PPIB: variants seen among roughly 807,000 people sequenced by gnomAD.
PPIB encodes the protein peptidylprolyl isomerase B.
PPIB carries 15 observed loss-of-function variants against 20.1 expected under a neutral mutation model. The ratio of observed to expected loss-of-function variants is 0.75; its 90% CI spans 0.50 to 1.15. The LOEUF (loss-of-function observed/expected upper bound fraction) is 1.15, where lower values mean the gene tolerates loss of function less well. PPIB is among the 50% of genes most tolerant of loss of function. PPIB has a pLI of 0.00. For synonymous variants in PPIB, 129 were observed against 111.0 expected (o/e 1.16, Z -1.02); for missense variants, 278 against 283.0 (o/e 0.98, Z 0.13).
chr15:64,157,075 C>T lies in PPIB; in HGVS notation c.344-166G>A. 2 of 741,112 alleles carry T rather than the reference C, an allele frequency of 2.7e-6. No homozygotes were observed. Among genetic ancestry groups the T allele is most frequent in the Non-Finnish European group, 4.3e-6 (2 of 461,754 alleles). 45.9% of individuals were successfully genotyped at this position (741,112 alleles called of 1,614,324 possible). On this transcript the variant is annotated intron_variant, in intron 3 of 4. Coordinates refer to ENST00000300026, the MANE Select transcript of PPIB (RefSeq NM_000942.5). The surrounding 1 kb of genome is among the most constrained non-coding windows in gnomAD (Gnocchi z 4.2). ...CCTTCCTATCTTCTGGCCTCAGAGC[C>T]AAGCCATGCTGACTGAGGCCAAGTG...
intron 1 of PPIB, 48 bp from the exon 2 acceptor site, chr15:64,162,202 C>G: frequency 7.2e-7 from 1 of 1,386,254 alleles, no homozygotes; most frequent in Non-Finnish European, 1.0e-6. Flanking sequence ...AGGGGCGTTG[C>G]TAGGGGAGGG....
chr15:64,159,118 T>C lies in PPIB; in HGVS notation c.343+986A>G, dbSNP rs1165493440. Among the ~76,000 whole-genome samples, 1 of 152,204 alleles carries C rather than the reference T, an allele frequency of 6.6e-6. No homozygotes were observed. The highest frequency in any genetic ancestry group is 1.5e-5 in the Non-Finnish European group (1 of 68,036). ...CTTTGTGAGCCTGAGTCCTAAACGC[T>C]GCATCATGGCTCACTTGTACATTTT... is the stretch of plus-strand genomic sequence containing the variant. On this transcript the variant is annotated intron_variant, in intron 3 of 4. Transcript: ENST00000300026. This position sits in a 1 kb window ranked among gnomAD's most constrained non-coding sequence, Gnocchi z 5.1.
chr15:64,162,943 G>A lies in PPIB; in HGVS notation c.44C>T (p.Ala15Val). The change falls in exon 1 of 5, where the codon GCC becomes GTC. Residue 15 changes from alanine to valine, a missense_variant. Coordinates refer to ENST00000300026, the MANE Select transcript of PPIB (RefSeq NM_000942.5). ...SERNMKVLLA[A>V]ALIAGSVFFL... is the part of the protein sequence containing the mutation. The stretch of plus-strand genomic sequence containing the variant: ...GAAGACGGACCCCGCGATGAGGGCG[G>A]CGGCAAGGAGCACCTTCATGTTGCG... 7 of 1,613,648 alleles carry A rather than the reference G, an allele frequency of 4.3e-6. No individual in the cohort carries two copies. Among genetic ancestry groups the A allele is most frequent in the Non-Finnish European group, 5.9e-6 (7 of 1,179,890 alleles).
In PPIB at chr15:64,155,933, T is replaced by A. The variant is rs935628561; in HGVS notation, c.*90A>T. On this transcript the variant is annotated 3_prime_UTR_variant, in exon 5 of 5. Coordinates refer to ENST00000300026, the MANE Select transcript of PPIB (RefSeq NM_000942.5). ...AGGGGAGTGGGTCCGCTCCACCAGA[T>A]GCCAGCACCGGGGCCAGTGCAGCTC... is the stretch of plus-strand genomic sequence containing the variant. The A allele has an allele frequency of 3.8e-6, 6 of 1,598,372 alleles. No individual in the cohort carries two copies. The Admixed American group carries it at 1.0e-4, about 27-fold the overall frequency.
In PPIB at chr15:64,157,948, C is replaced by T. The variant is rs2081544824; in HGVS notation, c.344-1039G>A. 6.6e-6 allele frequency among the ~76,000 whole-genome samples: 1 copy of T among 152,224 alleles called. No individual in the cohort carries two copies. The highest frequency in any genetic ancestry group is 2.4e-5 in the African/African-American group (1 of 41,458). On this transcript the variant is annotated intron_variant, in intron 3 of 4. Transcript: ENST00000300026. This position sits in a 1 kb window ranked among gnomAD's most constrained non-coding sequence, Gnocchi z 4.2. The stretch of plus-strand genomic sequence containing the variant: ...ACGCTGGGGAGACTGGACTCTGCCA[C>T]ATGTGCAGTGAGACCTGGCTGGAGT...
chr15:64,155,833 AC>A lies in PPIB; in HGVS notation c.*189del. The A allele has an allele frequency of 1.3e-6, 1 of 792,736 alleles. No homozygotes were observed. The highest frequency in any genetic ancestry group is 1.7e-5 in the South Asian group (1 of 58,918). The allele number at this position is 792,736 out of a possible 1,614,324, so 49.1% of individuals were successfully genotyped here. A position where few individuals can be genotyped will look rare whatever the true frequency, so the allele number is the denominator to read the frequency against. On this transcript the variant is annotated 3_prime_UTR_variant, in exon 5 of 5. Coordinates refer to ENST00000300026, the MANE Select transcript of PPIB (RefSeq NM_000942.5). Reference sequence around the variant, plus strand: ...CACATTATATATTAAAAAAAAAAAAACCCACATTTTTTTTTATTGGTCAGTG... The same window carrying A: ...CACATTATATATTAAAAAAAAAAAAACCACATTTTTTTTTATTGGTCAGTG...
At position 64,156,079 on chromosome 15, in the gene PPIB, T is replaced by C. The variant is rs2081528607; in HGVS notation, c.595A>G (p.Ile199Val). 6.2e-7 allele frequency: 1 copy of C among 1,614,248 alleles called. No homozygotes were observed. The change falls in exon 5 of 5, where the codon ATC becomes GTC. Residue 199 changes from isoleucine (I) to valine (V), a missense_variant. Transcript: ENST00000300026. This position sits in a 1 kb window ranked among gnomAD's most constrained non-coding sequence, Gnocchi z 6.4. ...ACCTCGATCTTGCCGCAGTCTGCGA[T>C]GATCACATCCTTCAGGGGTTTATCC... ...SRDKPLKDVI[I>V]ADCGKIEVEK...
rs747974523 is a variant in PPIB, at chr15:64,162,057, G to C, written c.233C>G (p.Ala78Gly). The change falls in exon 2 of 5, where the codon GCC becomes GGC. Residue 78 changes from alanine (A) to glycine (G), a missense_variant. Coordinates refer to ENST00000300026, the MANE Select transcript of PPIB (RefSeq NM_000942.5). ...GCCACTTACCTCTCCTGTAGCTAAG[G>C]CCACAAAATTATCCACTGTTTTTGG... ...TVPKTVDNFV[A>G]LATGEKGFGY... is the part of the protein sequence containing the mutation. The C allele has an allele frequency of 3.1e-6, 5 of 1,613,224 alleles. No homozygotes were observed. Among genetic ancestry groups the C allele is most frequent in the Non-Finnish European group, 2.5e-6 (3 of 1,179,200 alleles).
chr15:64,162,795 G>C, intron 1 of PPIB, 57 bp downstream of exon 1: 1 of 1,583,988 alleles, frequency 6.3e-7, no homozygotes, highest in Non-Finnish European at 8.6e-7. Context: ...CCAAGGCCAA[G>C]CCAAGGCCGC....
Position 64,156,319 on chromosome 15 carries a change from A to G in PPIB, c.529-174T>C, listed in dbSNP as rs764795763. On this transcript the variant is annotated intron_variant, in intron 4 of 4. Transcript: ENST00000300026. The surrounding 1 kb of genome is among the most constrained non-coding windows in gnomAD (Gnocchi z 6.4). ...CCTGGCCAGAGCAGGGAGAATGCAG[A>G]TTTGACGAGGGGGTACAGGAATTTT... is the stretch of plus-strand genomic sequence containing the variant. 2.7e-5 allele frequency: 24 copies of G among 875,286 alleles called. No individual in the cohort carries two copies. Among genetic ancestry groups the G allele is most frequent in the Non-Finnish European group, 4.4e-5 (24 of 550,018 alleles). 54.2% of individuals were successfully genotyped at this position (875,286 alleles called of 1,614,324 possible). A position where few individuals can be genotyped will look rare whatever the true frequency, so the allele number is the denominator to read the frequency against.
chr15:64,156,009 G>T lies in PPIB; in HGVS notation c.*14C>A, dbSNP rs201974607. 782 of 1,614,020 alleles carry T rather than the reference G, an allele frequency of 4.8e-4. No homozygotes were observed. The highest frequency in any genetic ancestry group is 5.4e-4 in the Non-Finnish European group (643 of 1,180,018). On this transcript the variant is annotated 3_prime_UTR_variant, in exon 5 of 5. Transcript: ENST00000300026. This position sits in a 1 kb window ranked among gnomAD's most constrained non-coding sequence, Gnocchi z 6.4. ...CTGCACAGACGGTCACTCAAAGAAAGATGTCCCTGTGCCCTACTCCTTGGC... is the reference window on the plus strand; with the variant it reads ...CTGCACAGACGGTCACTCAAAGAAATATGTCCCTGTGCCCTACTCCTTGGC...
At position 64,158,472 on chromosome 15, in the gene PPIB, G is replaced by C. The variant is rs1197886237; in HGVS notation, c.344-1563C>G. ...GAATCTCTGCTCTCAGCCACCTCAG[G>C]ATCAGGTCCAAATCTCCCTGCCCAG... is the stretch of plus-strand genomic sequence containing the variant. On this transcript the variant is annotated intron_variant, in intron 3 of 4. Transcript: ENST00000300026. This position sits in a 1 kb window ranked among gnomAD's most constrained non-coding sequence, Gnocchi z 4.7. Among the ~76,000 whole-genome samples, 1 of 152,134 alleles carries C rather than the reference G, an allele frequency of 6.6e-6. No individual in the cohort carries two copies. The highest frequency in any genetic ancestry group is 6.5e-5 in the Admixed American group (1 of 15,276).
In PPIB at chr15:64,159,937, G is replaced by A. The variant is rs1229819134; in HGVS notation, c.343+167C>T. 1.4e-6 allele frequency: 1 copy of A among 699,362 alleles called. No homozygotes were observed. The highest frequency in any genetic ancestry group is 1.8e-5 in the African/African-American group (1 of 56,680). The allele number at this position is 699,362 out of a possible 1,614,324, so 43.3% of individuals were successfully genotyped here. ...CATTATTCTCTCTCCTTTGTACTGG[G>A]TTCCCTCTTCAAAGAAGGGTGCCGC... On this transcript the variant is annotated intron_variant, in intron 3 of 4. Transcript: ENST00000300026. This position sits in a 1 kb window ranked among gnomAD's most constrained non-coding sequence, Gnocchi z 5.1.
Position 64,155,988 on chromosome 15 carries a change from A to C in PPIB, c.*35T>G. 1 of 1,614,036 alleles carries C rather than the reference A, an allele frequency of 6.2e-7. No individual in the cohort carries two copies. Among genetic ancestry groups the C allele is most frequent in the Non-Finnish European group, 8.5e-7 (1 of 1,179,980 alleles). On this transcript the variant is annotated 3_prime_UTR_variant, in exon 5 of 5. Coordinates refer to ENST00000300026, the MANE Select transcript of PPIB (RefSeq NM_000942.5). ...CCCTGTGGCGGACTACAGGGCCTGC[A>C]CAGACGGTCACTCAAAGAAAGATGT...
rs2081531022 is a variant in PPIB, at chr15:64,156,311, G to A, written c.529-166C>T. ...AACAGACTCCTGGCCAGAGCAGGGAGAATGCAGATTTGACGAGGGGGTACA... is the reference window on the plus strand; with the variant it reads ...AACAGACTCCTGGCCAGAGCAGGGAAAATGCAGATTTGACGAGGGGGTACA... On this transcript the variant is annotated intron_variant, in intron 4 of 4. Transcript: ENST00000300026. This position sits in a 1 kb window ranked among gnomAD's most constrained non-coding sequence, Gnocchi z 6.4. The A allele has an allele frequency of 2.2e-6, 2 of 929,908 alleles. No homozygotes were observed. Among genetic ancestry groups the A allele is most frequent in the Non-Finnish European group, 3.4e-6 (2 of 595,744 alleles). 57.6% of individuals were successfully genotyped at this position (929,908 alleles called of 1,614,324 possible). A position where few individuals can be genotyped will look rare whatever the true frequency, so the allele number is the denominator to read the frequency against.
rs1218744864 is a variant in PPIB, at chr15:64,160,522, A to G, written c.250-325T>C. On this transcript the variant is annotated intron_variant, in intron 2 of 4. Coordinates refer to ENST00000300026, the MANE Select transcript of PPIB (RefSeq NM_000942.5). The surrounding 1 kb of genome is among the most constrained non-coding windows in gnomAD (Gnocchi z 4.8). ...AGAAGAAAGGTCACCTGCTGGCTCA[A>G]TGGAAAGTTAATATAAACTGAAATA... is the stretch of plus-strand genomic sequence containing the variant. Among the ~76,000 whole-genome samples the G allele has an allele frequency of 2.6e-5, 4 of 152,352 alleles. No individual in the cohort carries two copies. The highest frequency in any genetic ancestry group is 9.6e-5 in the African/African-American group (4 of 41,584).
rs527699458 is a variant in PPIB, at chr15:64,157,265, G to A, written c.344-356C>T. 9.3e-6 allele frequency: 3 copies of A among 322,860 alleles called. No individual in the cohort carries two copies. Among genetic ancestry groups the A allele is most frequent in the East Asian group, 1.4e-4 (2 of 14,160 alleles). 20.0% of individuals were successfully genotyped at this position (322,860 alleles called of 1,614,324 possible). On this transcript the variant is annotated intron_variant, in intron 3 of 4. Transcript: ENST00000300026. This position sits in a 1 kb window ranked among gnomAD's most constrained non-coding sequence, Gnocchi z 4.2. ...GAGGGAAGTGCCGTGCAGGATGCAG[G>A]GGAGTCAACAGGGTCGGAACTCTCC...
In PPIB at chr15:64,157,028, T is replaced by C; in HGVS notation, c.344-119A>G. ...TGTGCCAGGCTAGGCTGGAGTGGAC[T>C]ACAAGGACATAAAAGCAGCGTCCTT... On this transcript the variant is annotated intron_variant, in intron 3 of 4. Coordinates refer to ENST00000300026, the MANE Select transcript of PPIB (RefSeq NM_000942.5). This position sits in a 1 kb window ranked among gnomAD's most constrained non-coding sequence, Gnocchi z 4.2. 1 of 1,076,300 alleles carries C rather than the reference T, an allele frequency of 9.3e-7. No individual in the cohort carries two copies. Among genetic ancestry groups the C allele is most frequent in the Non-Finnish European group, 1.3e-6 (1 of 747,312 alleles). 66.7% of individuals were successfully genotyped at this position (1,076,300 alleles called of 1,614,324 possible).
In PPIB at chr15:64,158,220, C is replaced by T. The variant is rs193076306; in HGVS notation, c.344-1311G>A. On this transcript the variant is annotated intron_variant, in intron 3 of 4. Coordinates refer to ENST00000300026, the MANE Select transcript of PPIB (RefSeq NM_000942.5). This position sits in a 1 kb window ranked among gnomAD's most constrained non-coding sequence, Gnocchi z 4.7. ...GTTGTCCCTACCCACTCCCCATGTACTTACTCTTTCTTTCCATTCCCACCA... is the reference window on the plus strand; with the variant it reads ...GTTGTCCCTACCCACTCCCCATGTATTTACTCTTTCTTTCCATTCCCACCA... Among the ~76,000 whole-genome samples the T allele has an allele frequency of 1.2e-3, 187 of 152,308 alleles. 1 individual carries two copies. Among genetic ancestry groups the T allele is most frequent in the Admixed American group, 2.9e-3 (44 of 15,302 alleles).
Sources: gnomAD v4.1 joint callset for allele counts (sites outside exome capture counted in the v4.1 genomes callset) on GRCh38, gnomAD v4.1.1 for gene constraint, Gnocchi (gnomAD v3.1) non-coding constraint, MANE v1.5 for transcripts, NCBI Gene and HGNC (gene_info 2026-07-23, HGNC 2026-07-21) for gene names.